The following DIP2C variants were observed in gnomAD, a reference collection of about 807,000 sequenced individuals.
DIP2C encodes disco-interacting protein 2 homolog C.
In DIP2C, 33 loss-of-function variants were observed where a neutral mutation model predicts 192.4. The observed-to-expected ratio is 0.17, with a 90% CI of 0.13 to 0.23. The LOEUF (loss-of-function observed/expected upper bound fraction) is 0.23. Ranked by LOEUF, DIP2C falls within the 10% of genes least tolerant of loss-of-function variation. DIP2C has a pLI of 1.00. For synonymous variants in DIP2C, 979 were observed against 864.1 expected (o/e 1.13, Z -2.33); for missense variants, 1,537 against 2,110.1 (o/e 0.73, Z 5.32).
chr10:400,814 A>C (rs370211914), intron 9 of DIP2C, among the ~76,000 whole-genome samples: 1 of 139,494 alleles, frequency 7.2e-6, no homozygotes, highest in Non-Finnish European at 1.6e-5. Context: ...CTTCCTTATG[A>C]ACAAGTTTGG....
chr10:618,615 TAG>T (rs1853629566), intron 1 of DIP2C, among the ~76,000 whole-genome samples: 1 of 152,220 alleles, frequency 6.6e-6, no homozygotes, highest in South Asian at 2.1e-4. Context: ...TAATGATTTT[TAG>T]ACTCTCATGA....
intron 10 of DIP2C, 67 bp from the exon 11 acceptor site, chr10:390,930 C>T: frequency 6.3e-7 from 1 of 1,586,286 alleles, no homozygotes; most frequent in Admixed American, 1.7e-5. Flanking sequence ...CTTCGGCCCT[C>T]CCTCCAGCGT....
intron 7 of DIP2C, among the ~76,000 whole-genome samples, chr10:414,319 T>C (rs1212789798): frequency 2.0e-5 from 3 of 152,118 alleles, no homozygotes; most frequent in Non-Finnish European, 2.9e-5. Context: ...CAAGGCAGCA[T>C]GTGGGTAGAG....
Position 571,392 on chromosome 10 carries a change from G to C in DIP2C, c.86-84862C>G, listed in dbSNP as rs78282481. 6.4e-4 allele frequency among the ~76,000 whole-genome samples: 98 copies of C among 152,248 alleles called. No individual in the cohort carries two copies. In the Middle Eastern group the frequency reaches 0.01, roughly 16 times the overall value. ...GGAAAATCAGCTGTGACGCACCCGC[G>C]AGGGTCGGGAACCGGCTCCGGGGCT... On this transcript the variant is annotated intron_variant, in intron 1 of 36. Coordinates refer to ENST00000280886, the MANE Select transcript of DIP2C (RefSeq NM_014974.3).
chr10:444,459 G>A (rs1391011763), intron 3 of DIP2C, among the ~76,000 whole-genome samples: 1 of 151,240 alleles, frequency 6.6e-6, no homozygotes, highest in East Asian at 1.9e-4. Flanking sequence ...TCATCACATG[G>A]AGCCCACGCC....
chr10:438,447 A>G (rs1967453057), intron 4 of DIP2C, among the ~76,000 whole-genome samples: 1 of 152,208 alleles, frequency 6.6e-6, no homozygotes. Flanking sequence ...TTTTTTTACC[A>G]TAAGTTTTGG....
At chr10:401,792 G>A (rs919797582) in intron 9 of DIP2C, among the ~76,000 whole-genome samples, 1 of 150,074 alleles carries the variant, frequency 6.7e-6, no homozygotes, top group African/African-American at 2.5e-5. Flanking sequence ...GGACAAGTTT[G>A]GTACATTTTC....
chr10:587,418 T>C (rs1851129940), intron 1 of DIP2C, among the ~76,000 whole-genome samples: 1 of 152,222 alleles, frequency 6.6e-6, no homozygotes, highest in South Asian at 2.1e-4. Context: ...CACGGATTGC[T>C]GGGCACGTGG....
chr10:283,849 C>T (rs550996269), intron 34 of DIP2C, among the ~76,000 whole-genome samples: 7 of 152,078 alleles, frequency 4.6e-5, no homozygotes, highest in African/African-American at 1.7e-4. Context: ...CTCATTTCAC[C>T]TGGTTAGCTA....
Position 651,435 on chromosome 10 carries a change from C to G in DIP2C, c.85+38059G>C. The G allele has an allele frequency of 1.5e-6, 1 of 684,562 alleles. No individual in the cohort carries two copies. Among genetic ancestry groups the G allele is most frequent in the South Asian group, 1.5e-5 (1 of 65,794 alleles). The allele number at this position is 684,562 out of a possible 1,614,324, so 42.4% of individuals were successfully genotyped here. A position where few individuals can be genotyped will look rare whatever the true frequency, so the allele number is the denominator to read the frequency against. On this transcript the variant is annotated intron_variant, in intron 1 of 36. Coordinates refer to ENST00000280886, the MANE Select transcript of DIP2C (RefSeq NM_014974.3). This position sits in a 1 kb window ranked among gnomAD's most constrained non-coding sequence, Gnocchi z 4.1. ...GACTGAATGAACAAGTATGTTAAGT[C>G]GTTAAGTAAAAATAGCAGAAGACTT... is the stretch of plus-strand genomic sequence containing the variant.
chr10:486,380 G>T, intron 2 of DIP2C, 79 bp downstream of exon 2: 1 of 1,339,794 alleles, frequency 7.5e-7, no homozygotes, highest in Non-Finnish European at 1.0e-6. Flanking sequence ...GCAAGGGAGC[G>T]TCTGCCTCCA....
intron 1 of DIP2C, among the ~76,000 whole-genome samples, chr10:569,327 C>T (rs1257098533): frequency 6.6e-6 from 1 of 152,138 alleles, no homozygotes; most frequent in African/African-American, 2.4e-5. Context: ...TTGAACAACC[C>T]TCAATGGAGA....
At position 415,979 on chromosome 10, in the gene DIP2C, C is replaced by T. The variant is rs1003370229; in HGVS notation, c.740-91G>A. 2.1e-5 allele frequency: 33 copies of T among 1,577,002 alleles called. No individual in the cohort carries two copies. The Admixed American group carries it at 2.3e-4, about 11-fold the overall frequency. On this transcript the variant is annotated intron_variant, in intron 6 of 36. Transcript: ENST00000280886. ...CACAGTCCCACAGCCCCCTCCCCAG[C>T]GCGGCTACAACAGGCTGCATCCTAG...
chr10:642,676 G>A (rs539390116), intron 1 of DIP2C, among the ~76,000 whole-genome samples: 2 of 152,352 alleles, frequency 1.3e-5, no homozygotes, highest in African/African-American at 4.8e-5. Context: ...CCCGTCCCAG[G>A]CCATCGCACA....
At chr10:491,055 A>G (rs1050504067) in intron 1 of DIP2C, among the ~76,000 whole-genome samples, 1 of 151,948 alleles carries the variant, frequency 6.6e-6, no homozygotes, top group Non-Finnish European at 1.5e-5. Flanking sequence ...GGTTAAGATG[A>G]CAGAACAGAC....
Position 366,302 on chromosome 10 carries a change from G to T in DIP2C, c.2241C>A (p.Leu747=). 6.2e-7 allele frequency: 1 copy of T among 1,613,864 alleles called. No homozygotes were observed. Among genetic ancestry groups the T allele is most frequent in the Non-Finnish European group, 8.5e-7 (1 of 1,179,932 alleles). ...AVATGTSYYG[L]SGMTKNTFEV... is the part of the protein sequence containing the mutation. ...CAAAGGTGTTCTTGGTCATGCCAGA[G>T]AGGCCATAGTAGGACGTGCCCGTCG... Residue 747 remains leucine (L), a synonymous_variant, in exon 19 of 37, where the codon CTC becomes CTA. Coordinates refer to ENST00000280886, the MANE Select transcript of DIP2C (RefSeq NM_014974.3).
intron 33 of DIP2C, among the ~76,000 whole-genome samples, chr10:287,223 AC>A (rs1287641925): frequency 4.6e-5 from 7 of 152,104 alleles, no homozygotes; most frequent in Non-Finnish European, 7.4e-5. Flanking sequence ...TGCTGGGATT[AC>A]AGGCATGAGA....
At chr10:335,465 C>T (rs983754369) in intron 29 of DIP2C, among the ~76,000 whole-genome samples, 1 of 152,242 alleles carries the variant, frequency 6.6e-6, no homozygotes, top group African/African-American at 2.4e-5. Context: ...CCCAATTACC[C>T]AGTTTGCACA....
intron 1 of DIP2C, among the ~76,000 whole-genome samples, chr10:640,934 C>G (rs908891336): frequency 3.3e-5 from 5 of 152,108 alleles, no homozygotes; most frequent in Non-Finnish European, 7.4e-5. Context: ...ACCCAACGTG[C>G]TCATCGGACT....
Sources: gnomAD v4.1 joint callset for allele counts (sites outside exome capture counted in the v4.1 genomes callset) on GRCh38, gnomAD v4.1.1 for gene constraint, Gnocchi (gnomAD v3.1) non-coding constraint, MANE v1.5 for transcripts, NCBI Gene and HGNC (gene_info 2026-07-23, HGNC 2026-07-21) for gene names.